RHCE: variants seen among roughly 807,000 people sequenced by gnomAD.
RHCE encodes the protein Rh blood group CcEe antigens, also known as blood group Rh(CE) polypeptide.
A neutral mutation model predicts 43.8 loss-of-function variants in RHCE; 22 were observed. The ratio of observed to expected loss-of-function variants is 0.50; its 90% CI spans 0.36 to 0.72. The LOEUF (loss-of-function observed/expected upper bound fraction) is 0.72. Ranked by LOEUF, RHCE falls within the 30% of genes least tolerant of loss-of-function variation. The pLI is 0.00. For missense variants in RHCE, 385 were observed against 525.4 expected (o/e 0.73, Z 2.61); for synonymous variants, 156 against 210.7 (o/e 0.74, Z 2.25).
chr1:25,382,590 C>T (rs1216877911), intron 7 of RHCE, among the ~76,000 whole-genome samples: 1 of 151,718 alleles, frequency 6.6e-6, no homozygotes, highest in Non-Finnish European at 1.5e-5. Context: ...ATAACAGTCT[C>T]CCTGCACAGG....
At chr1:25,374,520 C>G (rs1177953835) in intron 8 of RHCE, among the ~76,000 whole-genome samples, 1 of 150,570 alleles carries the variant, frequency 6.6e-6, no homozygotes, top group Non-Finnish European at 1.5e-5. Flanking sequence ...GGCTTCCCAT[C>G]TTTTATAAGG....
chr1:25,396,720 C>T (rs1422789617), intron 3 of RHCE, among the ~76,000 whole-genome samples: 1 of 152,166 alleles, frequency 6.6e-6, no homozygotes, highest in African/African-American at 2.4e-5. Flanking sequence ...GGAAACCACC[C>T]CTGTGATCCC....
upstream of RHCE, among the ~76,000 whole-genome samples, chr1:25,424,957 C>T (rs2042794138): frequency 6.6e-6 from 1 of 151,962 alleles, no homozygotes; most frequent in South Asian, 2.1e-4. Flanking sequence ...GCTGGGACTA[C>T]AGGCATGAGC....
At chr1:25,379,790 T>C (rs1216580047) in intron 7 of RHCE, among the ~76,000 whole-genome samples, 1 of 152,070 alleles carries the variant, frequency 6.6e-6, no homozygotes, top group Non-Finnish European at 1.5e-5. Flanking sequence ...TCCTCTCACC[T>C]CAGCCTCCTG....
intron 3 of RHCE, among the ~76,000 whole-genome samples, chr1:25,402,206 G>GTCTGTCTGTCTGTCTGTCTA (rs796249762): frequency 7.7e-6 from 1 of 130,384 alleles, no homozygotes; most frequent in Non-Finnish European, 1.6e-5. Flanking sequence ...CTGTCTGTCT[G>GTCTGTCTGTCTGTCTGTCTA]TCTATCTATC....
At chr1:25,392,461 G>A (rs1181772146) in intron 3 of RHCE, among the ~76,000 whole-genome samples, 4 of 151,444 alleles carry the variant, frequency 2.6e-5, no homozygotes, top group Admixed American at 1.3e-4. Context: ...GGGTTTCACC[G>A]TGTTTGCCAG....
chr1:25,426,280 T>A (rs956473703), intron 2 of RHCE, among the ~76,000 whole-genome samples: 7 of 152,260 alleles, frequency 4.6e-5, no homozygotes, highest in Non-Finnish European at 7.3e-5. Context: ...TCCTTTCAGA[T>A]GTTTTTCTAT....
Position 25,412,714 on chromosome 1 carries a change from T to TAA in RHCE, c.149-3846_149-3845insTT, listed in dbSNP as rs1190942791. 6.5e-4 allele frequency among the ~76,000 whole-genome samples: 65 copies of TAA among 100,412 alleles called. 3 individuals are homozygous for TAA. Among genetic ancestry groups the TAA allele is most frequent in the African/African-American group, 1.8e-3 (38 of 20,554 alleles). 65.9% of individuals were successfully genotyped at this position (100,412 alleles called of 152,430 possible). A position where few individuals can be genotyped will look rare whatever the true frequency, so the allele number is the denominator to read the frequency against. On this transcript the variant is annotated intron_variant, in intron 1 of 9. Coordinates refer to ENST00000294413, the MANE Select transcript of RHCE (RefSeq NM_020485.8). ...TAGGCGACAGAGGGAGACCCTTTTT[T>TAA]TAAAAAAAAAAAAAAAAAAAAAAAA...
intron 7 of RHCE, among the ~76,000 whole-genome samples, chr1:25,378,021 A>T (rs1309562115): frequency 6.6e-6 from 1 of 152,210 alleles, no homozygotes; most frequent in Admixed American, 6.5e-5. Context: ...TGGGCAAACT[A>T]ACTTGAATAG....
At chr1:25,410,306 A>G (rs1192522655) in intron 1 of RHCE, among the ~76,000 whole-genome samples, 1 of 152,202 alleles carries the variant, frequency 6.6e-6, no homozygotes, top group Non-Finnish European at 1.5e-5. Flanking sequence ...TCGCACATGA[A>G]TAAATGACTG....
At chr1:25,390,534 C>T (rs183134507) in intron 5 of RHCE, among the ~76,000 whole-genome samples, 1 of 152,210 alleles carries the variant, frequency 6.6e-6, no homozygotes, top group African/African-American at 2.4e-5. Flanking sequence ...ATCACTCCCC[C>T]CAGAAAGCCT....
chr1:25,379,483 ATATATATATATATTTTTT>A (rs1253938483), intron 7 of RHCE, among the ~76,000 whole-genome samples: 10 of 19,442 alleles, frequency 5.1e-4, no homozygotes, highest in African/African-American at 2.6e-3. Context: ...ATATATATAT[ATATATATATATATTTTTT>A]TTTTTTTTTT....
At chr1:25,375,768 A>G (rs1396906588) in intron 7 of RHCE, among the ~76,000 whole-genome samples, 1 of 144,924 alleles carries the variant, frequency 6.9e-6, no homozygotes, top group African/African-American at 2.8e-5. Flanking sequence ...AACCTCTCAG[A>G]GCCTCCAGTT....
chr1:25,401,860 A>G (rs998143725), intron 3 of RHCE, among the ~76,000 whole-genome samples: 6 of 151,678 alleles, frequency 4.0e-5, no homozygotes, highest in African/African-American at 1.5e-4. Context: ...CTATCTATCA[A>G]TCTTTTCTTT....
intron 7 of RHCE, chr1:25,385,377 A>G: frequency 2.5e-6 from 1 of 401,294 alleles, no homozygotes; most frequent in South Asian, 2.0e-5. Flanking sequence ...GAGCACGTCC[A>G]CAGCAAAGCT....
chr1:25,386,839 C>T (rs978941784), intron 6 of RHCE, among the ~76,000 whole-genome samples: 6 of 128,154 alleles, frequency 4.7e-5, no homozygotes, highest in African/African-American at 1.9e-4. Context: ...ACAACAACAA[C>T]AAAACACACA....
chr1:25,418,274 G>A lies in RHCE; in HGVS notation c.148+2365C>T, dbSNP rs376679658. On this transcript the variant is annotated intron_variant, in intron 1 of 9. Coordinates refer to ENST00000294413, the MANE Select transcript of RHCE (RefSeq NM_020485.8). ...ACTCCTGACCTCAGGTGATCTGCCC[G>A]CCTTGGCCTCCCAAAGTGTTTGGGA... Among the ~76,000 whole-genome samples the A allele has an allele frequency of 5.4e-3, 816 of 152,200 alleles. 6 individuals are homozygous for A. Among genetic ancestry groups the A allele is most frequent in the African/African-American group, 0.018 (746 of 41,512 alleles).
intron 1 of RHCE, among the ~76,000 whole-genome samples, chr1:25,418,443 C>T (rs1239372994): frequency 6.6e-6 from 1 of 152,142 alleles, no homozygotes; most frequent in Non-Finnish European, 1.5e-5. Flanking sequence ...GCTGGGATTA[C>T]AGACGTGTGC....
In RHCE at chr1:25,416,467, G is replaced by T. The variant is rs565417655; in HGVS notation, c.148+4172C>A. On this transcript the variant is annotated intron_variant, in intron 1 of 9. Transcript: ENST00000294413. ...TTTAGTAGAGATGGGGTTTCATCATGTTAGCCAGGATGGTCTCCATCTCCA... is the reference window on the plus strand; with the variant it reads ...TTTAGTAGAGATGGGGTTTCATCATTTTAGCCAGGATGGTCTCCATCTCCA... 2.7e-3 allele frequency among the ~76,000 whole-genome samples: 410 copies of T among 152,178 alleles called. 1 individual carries two copies. Among genetic ancestry groups the T allele is most frequent in the Non-Finnish European group, 4.8e-3 (326 of 68,014 alleles).
Sources: gnomAD v4.1 joint callset for allele counts (sites outside exome capture counted in the v4.1 genomes callset) on GRCh38, gnomAD v4.1.1 for gene constraint, MANE v1.5 for transcripts, NCBI Gene and HGNC (gene_info 2026-07-23, HGNC 2026-07-21) for gene names.